The following CSDE1 variants were observed in gnomAD, a reference collection of about 807,000 sequenced individuals.
The protein encoded by CSDE1 is cold shock domain containing E1.
Under a neutral mutation model 89.3 loss-of-function variants are expected in CSDE1, and 17 were observed. The observed-to-expected ratio is 0.19, with a 90% CI of 0.13 to 0.29. The LOEUF (loss-of-function observed/expected upper bound fraction) is 0.29. Ranked by LOEUF, CSDE1 falls within the 10% of genes least tolerant of loss-of-function variation. The pLI, the probability that CSDE1 is intolerant of heterozygous loss-of-function variation, is 1.00. For missense variants in CSDE1, 672 were observed against 984.2 expected, an observed-to-expected ratio of 0.68 and a Z score of 4.24; for synonymous variants, 322 against 332.8, an observed-to-expected ratio of 0.97 and a Z score of 0.35.
At position 114,730,550 on chromosome 1, in the gene CSDE1, G is replaced by C; in HGVS notation, c.1149C>G (p.Asn383Lys). The change falls in exon 11 of 20, where the codon AAC (asparagine) becomes AAG (lysine). Residue 383 changes from asparagine (N) to lysine (K), a missense_variant. Around this residue, in one of 8 missense-constraint regions of CSDE1, gnomAD observed 169 missense variants for 262.9 expected, o/e 0.64. Coordinates refer to ENST00000358528, the MANE Select transcript of CSDE1 (RefSeq NM_001007553.3). Reference sequence around the variant, plus strand: ...CTACTTCATCTGCAATATGGAGCTGGTTCCCATCCAGAATTTCACTGAAGT... The same window carrying C: ...CTACTTCATCTGCAATATGGAGCTGCTTCCCATCCAGAATTTCACTGAAGT... Reference protein sequence around the residue: ...FFHFSEILDGNQLHIADEVEF... With the variant: ...FFHFSEILDGKQLHIADEVEF... 1 of 1,614,072 alleles carries C rather than the reference G, an allele frequency of 6.2e-7. No individual in the cohort carries two copies. Among genetic ancestry groups the C allele is most frequent in the Non-Finnish European group, 8.5e-7 (1 of 1,180,030 alleles).
intron 1 of CSDE1, among the ~76,000 whole-genome samples, chr1:114,753,144 G>C (rs1402499820): frequency 6.6e-6 from 1 of 152,174 alleles, no homozygotes; most frequent in Non-Finnish European, 1.5e-5. Flanking sequence ...TGCTTTAGGT[G>C]TATTAATGAA....
At chr1:114,737,323 G>T in intron 5 of CSDE1, 148 bp downstream of exon 5, 1 of 646,402 alleles carries the variant, frequency 1.5e-6, no homozygotes, top group Non-Finnish European at 2.7e-6. Flanking sequence ...TAAATTTTTT[G>T]ATTATGCTGC....
In CSDE1 at chr1:114,718,044, G is replaced by T; in HGVS notation, c.*125C>A. The stretch of plus-strand genomic sequence containing the variant: ...ACACGAGGAAGGTGTTAAAACTGGT[G>T]TAATAGCTCAATAGAATAAGTATTC... On this transcript the variant is annotated 3_prime_UTR_variant, in exon 20 of 20. Coordinates refer to ENST00000358528, the MANE Select transcript of CSDE1 (RefSeq NM_001007553.3). The T allele has an allele frequency of 1.1e-6, 1 of 910,014 alleles. No homozygotes were observed. Among genetic ancestry groups the T allele is most frequent in the Non-Finnish European group, 1.8e-6 (1 of 564,742 alleles). 56.4% of individuals were successfully genotyped at this position (910,014 alleles called of 1,614,324 possible). A position where few individuals can be genotyped will look rare whatever the true frequency, so the allele number is the denominator to read the frequency against.
intron 3 of CSDE1, among the ~76,000 whole-genome samples, chr1:114,738,560 G>A (rs1660533948): frequency 6.9e-6 from 1 of 145,138 alleles, no homozygotes; most frequent in African/African-American, 2.6e-5. Context: ...CATGCATCTT[G>A]TTAGCTATTA....
At chr1:114,721,397 C>T (rs1659512919) in intron 16 of CSDE1, among the ~76,000 whole-genome samples, 2 of 152,182 alleles carry the variant, frequency 1.3e-5, no homozygotes, top group South Asian at 2.1e-4. Flanking sequence ...CTGAGCCCTG[C>T]CCTACAGTAT....
intron 2 of CSDE1, among the ~76,000 whole-genome samples, chr1:114,749,079 TTC>T (rs1228001058): frequency 2.6e-5 from 4 of 152,226 alleles, no homozygotes; most frequent in African/African-American, 4.8e-5. Context: ...AATCTGCTAA[TTC>T]TGTTACCTCT....
chr1:114,730,477 C>A (rs539814425), intron 11 of CSDE1, 31 bp downstream of exon 11: 1 of 1,611,430 alleles, frequency 6.2e-7, no homozygotes, highest in Non-Finnish European at 8.5e-7. Flanking sequence ...CATCAAGAAA[C>A]ACCTCCCAAC....
intron 2 of CSDE1, among the ~76,000 whole-genome samples, chr1:114,742,047 T>C (rs1258599309): frequency 6.6e-6 from 1 of 152,196 alleles, no homozygotes; most frequent in Non-Finnish European, 1.5e-5. Flanking sequence ...GGGACTATTT[T>C]TCTGCCCAGA....
At chr1:114,719,258 G>A (rs1557987056) in intron 18 of CSDE1, among the ~76,000 whole-genome samples, 1 of 152,182 alleles carries the variant, frequency 6.6e-6, no homozygotes, top group South Asian at 2.1e-4. Flanking sequence ...GCAGTGAGTC[G>A]TGATAGCGCC....
intron 6 of CSDE1, 77 bp from the exon 7 acceptor site, chr1:114,734,600 A>G (rs1056562894): frequency 1.8e-6 from 2 of 1,101,130 alleles, no homozygotes; most frequent in Non-Finnish European, 2.7e-6. Context: ...ATATGAGTCT[A>G]AAGAAACTAG....
intron 6 of CSDE1, among the ~76,000 whole-genome samples, chr1:114,736,335 G>A (rs190234728): frequency 1.6e-4 from 25 of 152,134 alleles, no homozygotes; most frequent in African/African-American, 4.6e-4. Context: ...TTTAAACAAC[G>A]CAGATTCCTA....
chr1:114,753,806 C>T (rs150367444), intron 1 of CSDE1, among the ~76,000 whole-genome samples: 2,072 of 152,190 alleles, frequency 0.014, 23 homozygotes, highest in Non-Finnish European at 0.021. Flanking sequence ...GTCCCAGCTA[C>T]TCGGGAAGCT....
At chr1:114,743,088 T>C (rs1013654408) in intron 2 of CSDE1, among the ~76,000 whole-genome samples, 3 of 152,222 alleles carry the variant, frequency 2.0e-5, no homozygotes, top group African/African-American at 4.8e-5. Flanking sequence ...TGAGAACCAT[T>C]ATTCTAGATC....
At chr1:114,734,656 G>C in intron 6 of CSDE1, 133 bp from the exon 7 acceptor site, 1 of 650,054 alleles carries the variant, frequency 1.5e-6, no homozygotes, top group East Asian at 3.0e-5. Flanking sequence ...AATAAATACA[G>C]GGTTTATGAC....
chr1:114,751,347 C>T (rs754322544), intron 1 of CSDE1, among the ~76,000 whole-genome samples: 5 of 152,076 alleles, frequency 3.3e-5, no homozygotes, highest in Admixed American at 6.5e-5. Flanking sequence ...AAAAGGTGTA[C>T]GTGCTGAGAA....
chr1:114,735,182 G>A (rs1660333511), intron 6 of CSDE1, among the ~76,000 whole-genome samples: 1 of 152,198 alleles, frequency 6.6e-6, no homozygotes. Flanking sequence ...TCATATTTGT[G>A]TAGCAGCGAT....
chr1:114,732,712 G>A lies in CSDE1; in HGVS notation c.942C>T (p.Asp314=). 1 of 1,614,070 alleles carries A rather than the reference G, an allele frequency of 6.2e-7. No homozygotes were observed. Among genetic ancestry groups the A allele is most frequent in the Non-Finnish European group, 8.5e-7 (1 of 1,179,990 alleles). Reference sequence around the variant, plus strand: ...CTGTTGAAATATTAAACCTAACATGGTCACCTTCCAGCAGGGTCACCTTGG... The same window carrying A: ...CTGTTGAAATATTAAACCTAACATGATCACCTTCCAGCAGGGTCACCTTGG... ...TKSKVTLLEG[D]HVRFNISTDR... Residue 314 remains aspartate, a synonymous_variant, in exon 10 of 20, where the codon GAC becomes GAT. Transcript: ENST00000358528.
intron 2 of CSDE1, chr1:114,741,619 C>T: frequency 3.9e-6 from 6 of 1,548,792 alleles, no homozygotes; most frequent in Non-Finnish European, 4.4e-6. Flanking sequence ...GGAGGGGCTG[C>T]AGGAGAGGGA....
At chr1:114,736,726 T>C in intron 6 of CSDE1, 32 bp downstream of exon 6, 1 of 1,453,722 alleles carries the variant, frequency 6.9e-7, no homozygotes, top group Non-Finnish European at 9.5e-7. Context: ...AAAAACCGCT[T>C]AGGTGAGAAA....
Sources: gnomAD v4.1 joint callset for allele counts (sites outside exome capture counted in the v4.1 genomes callset) on GRCh38, gnomAD v4.1.1 for gene constraint, gnomAD v4.1.1 regional missense constraint, MANE v1.5 for transcripts, NCBI Gene and HGNC (gene_info 2026-07-23, HGNC 2026-07-21) for gene names.